PIK3CD: variants seen among roughly 807,000 people sequenced by gnomAD.
PIK3CD encodes the protein phosphatidylinositol 4,5-bisphosphate 3-kinase catalytic subunit delta isoform.
Under a neutral mutation model 122.9 loss-of-function variants are expected in PIK3CD, and 20 were observed. That is an observed-to-expected ratio of 0.16 (90% CI 0.11 to 0.24). PIK3CD has a LOEUF of 0.24. Among genes scored for constraint, PIK3CD ranks in the 10% least tolerant of loss-of-function variants. The probability of loss-of-function intolerance (pLI) is 1.00; values close to 1 mark genes in which losing one functional copy is unlikely to be tolerated. For synonymous variants in PIK3CD, 596 were observed against 593.4 expected (o/e 1.00, Z -0.06); for missense variants, 787 against 1,406.3 (o/e 0.56, Z 7.04).
chr1:9,727,344 A>G lies in PIK3CD; in HGVS notation c.*298A>G. On this transcript the variant is annotated 3_prime_UTR_variant, in exon 24 of 24. Coordinates refer to ENST00000377346, the MANE Select transcript of PIK3CD (RefSeq NM_005026.5). ...CCAGCTGGTGGATCTGGGCCCAGCA[A>G]AGACTGTTCTCCTCCCGAGGGAACC... 3 of 486,298 alleles carry G rather than the reference A, an allele frequency of 6.2e-6. No homozygotes were observed. Among genetic ancestry groups the G allele is most frequent in the Non-Finnish European group, 1.1e-5 (3 of 264,532 alleles). 30.1% of individuals were successfully genotyped at this position (486,298 alleles called of 1,614,324 possible).
At chr1:9,708,342 C>T (rs975531008) in intron 2 of PIK3CD, among the ~76,000 whole-genome samples, 2 of 151,988 alleles carry the variant, frequency 1.3e-5, no homozygotes, top group African/African-American at 4.8e-5. Context: ...TCACCACACC[C>T]AGCTAATTTT....
chr1:9,627,267 C>G, the PIK3CD span, among the ~76,000 whole-genome samples: 2 of 152,242 alleles, frequency 1.3e-5, no homozygotes, highest in Admixed American at 1.3e-4. Context: ...GGGGAGACGC[C>G]GGCTGGGCGA....
At position 9,720,824 on chromosome 1, in the gene PIK3CD, G is replaced by A. The variant is rs1182302845; in HGVS notation, c.1604G>A (p.Arg535Gln). ...EHEKDLVWKL[R>Q]HEVQEHFPEA... The stretch of plus-strand genomic sequence containing the variant: ...GAGAAGGACCTGGTGTGGAAGCTGC[G>A]GCATGAAGTCCAGGAGCACTTCCCG... Residue 535 changes from arginine (R) to glutamine (Q), a missense_variant, in exon 13 of 24, where the codon CGG becomes CAG. Transcript: ENST00000377346. The surrounding 1 kb of genome is among the most constrained non-coding windows in gnomAD (Gnocchi z 9.0). The A allele has an allele frequency of 2.5e-6, 4 of 1,612,844 alleles. No homozygotes were observed. The highest frequency in any genetic ancestry group is 2.2e-5 in the East Asian group (1 of 44,862).
intron 1 of PIK3CD, among the ~76,000 whole-genome samples, chr1:9,683,029 C>T (rs1034468396): frequency 1.3e-5 from 2 of 149,416 alleles, no homozygotes; most frequent in African/African-American, 4.9e-5. Context: ...TGGGATTGGG[C>T]CCTGGACCTT....
intron 3 of PIK3CD, among the ~76,000 whole-genome samples, chr1:9,713,853 C>T (rs992900788): frequency 7.6e-6 from 1 of 131,768 alleles, no homozygotes; most frequent in South Asian, 2.4e-4. Flanking sequence ...TATTTTTATA[C>T]TTTTTTTTTT....
chr1:9,654,085 C>A (rs1208915235), intron 1 of PIK3CD: 1 of 1,186,374 alleles, frequency 8.4e-7, no homozygotes, highest in African/African-American at 1.6e-5. Context: ...AAACATAATA[C>A]AACAACCCAG....
Position 9,723,529 on chromosome 1 carries a change from T to C in PIK3CD, c.2594+237T>C, listed in dbSNP as rs763323200. ...AGCGCAGGGCTTTAAAAAACAGCCA[T>C]TTACGATTGGCTCACAGATCTGCAG... On this transcript the variant is annotated intron_variant, in intron 20 of 23. Coordinates refer to ENST00000377346, the MANE Select transcript of PIK3CD (RefSeq NM_005026.5). This position sits in a 1 kb window ranked among gnomAD's most constrained non-coding sequence, Gnocchi z 4.9. Among the ~76,000 whole-genome samples the C allele has an allele frequency of 2.6e-5, 4 of 152,178 alleles. No individual in the cohort carries two copies. Among genetic ancestry groups the C allele is most frequent in the African/African-American group, 4.8e-5 (2 of 41,444 alleles).
Position 9,718,983 on chromosome 1 carries a change from C to G in PIK3CD, c.1242+68C>G. 7.0e-7 allele frequency: 1 copy of G among 1,425,422 alleles called. No homozygotes were observed. Among genetic ancestry groups the G allele is most frequent in the Non-Finnish European group, 9.8e-7 (1 of 1,025,082 alleles). The allele number at this position is 1,425,422 out of a possible 1,614,324, so 88.3% of individuals were successfully genotyped here. Reference sequence around the variant, plus strand: ...GCCAGTACAGCCCCTTGCTGGGCCACTCACCACTCTCCTCCCGGCAAGCAC... The same window carrying G: ...GCCAGTACAGCCCCTTGCTGGGCCAGTCACCACTCTCCTCCCGGCAAGCAC... On this transcript the variant is annotated intron_variant, in intron 9 of 23. Coordinates refer to ENST00000377346, the MANE Select transcript of PIK3CD (RefSeq NM_005026.5). The surrounding 1 kb of genome is among the most constrained non-coding windows in gnomAD (Gnocchi z 7.2).
At position 9,719,018 on chromosome 1, in the gene PIK3CD, G is replaced by T; in HGVS notation, c.1242+103G>T. 1 of 1,104,906 alleles carries T rather than the reference G, an allele frequency of 9.1e-7. No individual in the cohort carries two copies. The highest frequency in any genetic ancestry group is 2.0e-5 in the Admixed American group (1 of 50,844). 68.4% of individuals were successfully genotyped at this position (1,104,906 alleles called of 1,614,324 possible). ...TCCTCCCGGCAAGCACGCAGCCTGG[G>T]GATGGGGGTCCTGGGATTGCTTGTG... On this transcript the variant is annotated intron_variant, in intron 9 of 23. Coordinates refer to ENST00000377346, the MANE Select transcript of PIK3CD (RefSeq NM_005026.5). This position sits in a 1 kb window ranked among gnomAD's most constrained non-coding sequence, Gnocchi z 5.5.
Position 9,700,204 on chromosome 1 carries a change from C to T in PIK3CD, c.-33+8633C>T, listed in dbSNP as rs1036978849. ...GGAATGCAGTGGTGTGATCTCGGCTCATTGCAGCCTCCCCCTCGCAGGTTC... is the reference window on the plus strand; with the variant it reads ...GGAATGCAGTGGTGTGATCTCGGCTTATTGCAGCCTCCCCCTCGCAGGTTC... On this transcript the variant is annotated intron_variant, in intron 2 of 23. Transcript: ENST00000377346. The surrounding 1 kb of genome is among the most constrained non-coding windows in gnomAD (Gnocchi z 5.1). Among the ~76,000 whole-genome samples the T allele has an allele frequency of 6.7e-6, 1 of 148,726 alleles. No homozygotes were observed. Among genetic ancestry groups the T allele is most frequent in the African/African-American group, 2.5e-5 (1 of 40,246 alleles).
Position 9,685,516 on chromosome 1 carries a change from A to G in PIK3CD, c.-137-5951A>G, listed in dbSNP as rs562332868. On this transcript the variant is annotated intron_variant, in intron 1 of 23. Coordinates refer to ENST00000377346, the MANE Select transcript of PIK3CD (RefSeq NM_005026.5). ...TGGGATCACAGGCATGCACCACCAC[A>G]CCTGGCTAATTCTTGTATTTTTAGT... is the stretch of plus-strand genomic sequence containing the variant. Among the ~76,000 whole-genome samples, 66 of 151,768 alleles carry G rather than the reference A, an allele frequency of 4.3e-4. 1 individual carries two copies. The Middle Eastern group carries it at 0.02, about 47-fold the overall frequency.
chr1:9,680,513 T>C (rs1645709486), intron 1 of PIK3CD, among the ~76,000 whole-genome samples: 1 of 146,042 alleles, frequency 6.8e-6, no homozygotes, highest in African/African-American at 2.8e-5. Flanking sequence ...GCAGTTACTC[T>C]CTACTTTTCT....
the PIK3CD span, among the ~76,000 whole-genome samples, chr1:9,631,682 G>T: frequency 2.6e-5 from 4 of 152,168 alleles, no homozygotes; most frequent in Admixed American, 6.5e-5. Context: ...AAAAAAGGGA[G>T]GGGGGCAGGT....
chr1:9,727,203 A>C lies in PIK3CD; in HGVS notation c.*157A>C, dbSNP rs1428474969. ...ACACTGGTTATTTATTTATGACTTG[A>C]AATAGTTTAAGGAGCTAAACAGCCA... On this transcript the variant is annotated 3_prime_UTR_variant, in exon 24 of 24. Transcript: ENST00000377346. The C allele has an allele frequency of 1.1e-6, 1 of 873,840 alleles. No homozygotes were observed. Among genetic ancestry groups the C allele is most frequent in the Non-Finnish European group, 1.8e-6 (1 of 546,696 alleles). The allele number at this position is 873,840 out of a possible 1,614,324, so 54.1% of individuals were successfully genotyped here.
At chr1:9,666,901 T>G (rs577637415) in intron 1 of PIK3CD, among the ~76,000 whole-genome samples, 2 of 151,778 alleles carry the variant, frequency 1.3e-5, no homozygotes, top group South Asian at 4.2e-4. Context: ...AGTCTCGCTC[T>G]GTTGCCCTGG....
At chr1:9,708,210 G>A (rs1431638170) in intron 2 of PIK3CD, among the ~76,000 whole-genome samples, 2 of 151,216 alleles carry the variant, frequency 1.3e-5, no homozygotes, top group East Asian at 3.9e-4. Flanking sequence ...GTTTGAGACA[G>A]TCTCACTCTG....
At chr1:9,658,460 G>A (rs1570068862) in intron 1 of PIK3CD, among the ~76,000 whole-genome samples, 1 of 149,132 alleles carries the variant, frequency 6.7e-6, no homozygotes, top group East Asian at 2.0e-4. Context: ...TAGGGGGATT[G>A]CCACGTGGGA....
At position 9,727,136 on chromosome 1, in the gene PIK3CD, C is replaced by G; in HGVS notation, c.*90C>G. The G allele has an allele frequency of 6.9e-7, 1 of 1,448,414 alleles. No homozygotes were observed. The highest frequency in any genetic ancestry group is 9.6e-7 in the Non-Finnish European group (1 of 1,036,866). 89.7% of individuals were successfully genotyped at this position (1,448,414 alleles called of 1,614,324 possible). ...TCCTAAAGGGGCTGAAGAGCCTGAACTGCACCTAACGGGAAAGAACCGACA... is the reference window on the plus strand; with the variant it reads ...TCCTAAAGGGGCTGAAGAGCCTGAAGTGCACCTAACGGGAAAGAACCGACA... On this transcript the variant is annotated 3_prime_UTR_variant, in exon 24 of 24. Coordinates refer to ENST00000377346, the MANE Select transcript of PIK3CD (RefSeq NM_005026.5).
At chr1:9,649,841 G>C (rs1195236631), upstream of PIK3CD, among the ~76,000 whole-genome samples, 1 of 152,168 alleles carries the variant, frequency 6.6e-6, no homozygotes, top group East Asian at 1.9e-4. Context: ...CCTGGAGGTC[G>C]CTGCTGTCAA....
Sources: allele counts gnomAD v4.1 joint callset (sites outside exome capture counted in the v4.1 genomes callset), GRCh38; gene constraint gnomAD v4.1.1; non-coding constraint Gnocchi (gnomAD v3.1); transcripts MANE v1.5; gene names NCBI Gene and HGNC (gene_info 2026-07-23, HGNC 2026-07-21).